The following CNTNAP2 variants were observed in gnomAD, a reference collection of about 807,000 sequenced individuals.
CNTNAP2 encodes the protein contactin associated protein 2.
A neutral mutation model predicts 155.2 loss-of-function variants in CNTNAP2; 98 were observed. The ratio of observed to expected loss-of-function variants is 0.63; its 90% confidence interval spans 0.54 to 0.75. CNTNAP2 has a LOEUF of 0.75. CNTNAP2 is among the 30% of genes least tolerant of loss of function. The pLI is 0.00. For synonymous variants in CNTNAP2, 651 were observed against 631.2 expected, an observed-to-expected ratio of 1.03 and a Z score of -0.47; for missense variants, 1,727 against 1,688.1, an observed-to-expected ratio of 1.02 and a Z score of -0.40.
intron 1 of CNTNAP2, among the ~76,000 whole-genome samples, chr7:146,413,768 G>T (rs1307628772): frequency 1.3e-5 from 2 of 151,380 alleles, no homozygotes; most frequent in Non-Finnish European, 2.9e-5. Flanking sequence ...CCCGAGTGGG[G>T]CAGAGAGAAG....
At chr7:146,861,396 A>G (rs1357723320) in intron 3 of CNTNAP2, among the ~76,000 whole-genome samples, 2 of 152,274 alleles carry the variant, frequency 1.3e-5, no homozygotes, top group East Asian at 1.9e-4. Flanking sequence ...AAAATTTACA[A>G]TTACAATGAA....
At position 147,550,408 on chromosome 7, in the gene CNTNAP2, T is replaced by C. The variant is rs150173230; in HGVS notation, c.1778-11730T>C. 2.0e-5 allele frequency among the ~76,000 whole-genome samples: 3 copies of C among 152,286 alleles called. No homozygotes were observed. In the East Asian group the frequency reaches 5.8e-4, roughly 29 times the overall value. ...TATAAATAGGAGTTCCCCTGCACAA[T>C]CTCTCTTGCCTGCCACCATGTAAGA... is the stretch of plus-strand genomic sequence containing the variant. On this transcript the variant is annotated intron_variant, in intron 11 of 23. Transcript: ENST00000361727.
chr7:146,155,226 C>A (rs149602856), intron 1 of CNTNAP2, among the ~76,000 whole-genome samples: 3 of 152,134 alleles, frequency 2.0e-5, no homozygotes, highest in African/African-American at 2.4e-5. Context: ...ACACTTCCTT[C>A]GAACTGGGAA....
Position 146,907,310 on chromosome 7 carries a change from A to T in CNTNAP2, c.402+67406A>T, listed in dbSNP as rs1400998575. On this transcript the variant is annotated intron_variant, in intron 3 of 23. Coordinates refer to ENST00000361727, the MANE Select transcript of CNTNAP2 (RefSeq NM_014141.6). ...AGGAAATACAGAGAACGCCACAAAG[A>T]TACTCCTCGAGAAGAGCAACTCCAA... 3.5e-5 allele frequency among the ~76,000 whole-genome samples: 5 copies of T among 144,686 alleles called. No individual in the cohort carries two copies. The Admixed American group carries it at 3.5e-4, about 10-fold the overall frequency. The allele number at this position is 144,686 out of a possible 152,430, so 94.9% of individuals were successfully genotyped here.
chr7:146,974,501 A>G (rs541070748), intron 3 of CNTNAP2, among the ~76,000 whole-genome samples: 1 of 152,288 alleles, frequency 6.6e-6, no homozygotes, highest in African/African-American at 2.4e-5. Flanking sequence ...CTTTAACTAT[A>G]GATGTCAAAT....
chr7:146,462,093 T>C (rs1158752852), intron 1 of CNTNAP2, among the ~76,000 whole-genome samples: 1 of 152,172 alleles, frequency 6.6e-6, no homozygotes, highest in African/African-American at 2.4e-5. Flanking sequence ...GAGGCTTGAA[T>C]GAGTTAGAAG....
rs181905280 is a variant in CNTNAP2, at chr7:147,554,775, T to C, written c.1778-7363T>C. Among the ~76,000 whole-genome samples the C allele has an allele frequency of 4.1e-4, 62 of 152,234 alleles. 1 individual carries two copies. The East Asian group carries it at 0.011, about 28-fold the overall frequency. ...CATTCTCTCTACCATCTTCATTTGC[T>C]GTGTGCTGATAATGAGACAATGGTT... is the stretch of plus-strand genomic sequence containing the variant. On this transcript the variant is annotated intron_variant, in intron 11 of 23. Transcript: ENST00000361727.
intron 21 of CNTNAP2, among the ~76,000 whole-genome samples, chr7:148,382,558 C>T (rs1799090060): frequency 6.6e-6 from 1 of 152,128 alleles, no homozygotes; most frequent in Non-Finnish European, 1.5e-5. Flanking sequence ...GATAACAGAA[C>T]GGCTTCAGCA....
intron 13 of CNTNAP2, among the ~76,000 whole-genome samples, chr7:147,645,351 A>G (rs1271880271): frequency 6.6e-6 from 1 of 152,226 alleles, no homozygotes; most frequent in Non-Finnish European, 1.5e-5. Context: ...GACGACATGG[A>G]TAAATCAATT....
intron 16 of CNTNAP2, among the ~76,000 whole-genome samples, chr7:148,136,024 G>GAAA (rs1563211103): frequency 9.8e-5 from 6 of 61,074 alleles, no homozygotes; most frequent in African/African-American, 5.3e-4. Flanking sequence ...AGGAAGGGAG[G>GAAA]GAGGGAGGGA....
In CNTNAP2 at chr7:148,419,410, C is replaced by T. The variant is rs1800065372; in HGVS notation, c.*3794C>T. On this transcript the variant is annotated 3_prime_UTR_variant, in exon 24 of 24. Coordinates refer to ENST00000361727, the MANE Select transcript of CNTNAP2 (RefSeq NM_014141.6). Reference sequence around the variant, plus strand: ...CAGCTAAGAACCAATGGCTCCTACCCCCGCCCCGCTTTTTTTTGTTGTTTT... The same window carrying T: ...CAGCTAAGAACCAATGGCTCCTACCTCCGCCCCGCTTTTTTTTGTTGTTTT... 1 of 152,482 alleles carries T rather than the reference C, an allele frequency of 6.6e-6. No homozygotes were observed. The highest frequency in any genetic ancestry group is 6.6e-5 in the Admixed American group (1 of 15,254). The allele number at this position is 152,482 out of a possible 1,614,324, so 9.4% of individuals were successfully genotyped here. A position where few individuals can be genotyped will look rare whatever the true frequency, so the allele number is the denominator to read the frequency against.
At chr7:147,850,464 T>C (rs941175576) in intron 13 of CNTNAP2, among the ~76,000 whole-genome samples, 1 of 152,108 alleles carries the variant, frequency 6.6e-6, no homozygotes, top group Non-Finnish European at 1.5e-5. Context: ...GCCAAGACAA[T>C]CCTAAGCCAA....
At chr7:147,075,588 A>G (rs1799980629) in intron 4 of CNTNAP2, among the ~76,000 whole-genome samples, 1 of 152,064 alleles carries the variant, frequency 6.6e-6, no homozygotes. Flanking sequence ...AAATACCATA[A>G]CATTTTTAAT....
At chr7:147,264,138 G>A (rs1035282623) in intron 8 of CNTNAP2, among the ~76,000 whole-genome samples, 26 of 152,234 alleles carry the variant, frequency 1.7e-4, no homozygotes, top group Admixed American at 3.9e-4. Context: ...TCAGACAAAG[G>A]CAAGGAAAAT....
intron 1 of CNTNAP2, among the ~76,000 whole-genome samples, chr7:146,618,314 T>C (rs1799261284): frequency 6.6e-6 from 1 of 152,240 alleles, no homozygotes; most frequent in Non-Finnish European, 1.5e-5. Context: ...CATAAGCATG[T>C]TATTTATCTC....
intron 11 of CNTNAP2, among the ~76,000 whole-genome samples, chr7:147,529,433 G>C (rs978024867): frequency 1.3e-5 from 2 of 152,110 alleles, no homozygotes; most frequent in Admixed American, 1.3e-4. Flanking sequence ...CCTGACAGTA[G>C]AAACAAGGGC....
chr7:147,759,019 T>C (rs1245186279), intron 13 of CNTNAP2, among the ~76,000 whole-genome samples: 1 of 152,196 alleles, frequency 6.6e-6, no homozygotes, highest in Non-Finnish European at 1.5e-5. Flanking sequence ...TATATTTTAT[T>C]ACCTTATTTA....
chr7:146,977,224 T>A (rs1797930012), intron 3 of CNTNAP2, among the ~76,000 whole-genome samples: 1 of 152,110 alleles, frequency 6.6e-6, no homozygotes, highest in Non-Finnish European at 1.5e-5. Flanking sequence ...GAGTGAAGAA[T>A]AATACTTCAA....
rs142837488 is a variant in CNTNAP2, at chr7:147,700,656, T to G, written c.2098+61350T>G. On this transcript the variant is annotated intron_variant, in intron 13 of 23. Coordinates refer to ENST00000361727, the MANE Select transcript of CNTNAP2 (RefSeq NM_014141.6). ...AGTAAAGTGATTGAAACTTGGAAAC[T>G]TATTGGTGTTTTATGAGGAGACACA... Among the ~76,000 whole-genome samples, 315 of 152,260 alleles carry G rather than the reference T, an allele frequency of 2.1e-3. 1 individual carries two copies. The highest frequency in any genetic ancestry group is 6.8e-3 in the Middle Eastern group (2 of 294).
Sources: allele counts gnomAD v4.1 joint callset (sites outside exome capture counted in the v4.1 genomes callset), GRCh38; gene constraint gnomAD v4.1.1; transcripts MANE v1.5; gene names NCBI Gene and HGNC (gene_info 2026-07-23, HGNC 2026-07-21).